The following FSTL5 variants were observed in gnomAD, a reference collection of about 807,000 sequenced individuals.
The protein encoded by FSTL5 is follistatin like 5.
FSTL5 carries 62 observed loss-of-function variants against 89.1 expected under a neutral mutation model. That is an observed-to-expected ratio of 0.70 (90% CI 0.57 to 0.86). The LOEUF (loss-of-function observed/expected upper bound fraction) is 0.86. Among genes scored for constraint, FSTL5 ranks in the 40% least tolerant of loss-of-function variants. The pLI is 0.00. For missense variants in FSTL5, 1,057 were observed against 1,001.6 expected (o/e 1.06, Z -0.75); for synonymous variants, 383 against 346.2 (o/e 1.11, Z -1.18).
chr4:162,052,207 C>T (rs1738399703), intron 2 of FSTL5, among the ~76,000 whole-genome samples: 1 of 150,978 alleles, frequency 6.6e-6, no homozygotes, highest in Non-Finnish European at 1.5e-5. Flanking sequence ...TCTGAAAAAA[C>T]ACAAAATGCC....
intron 6 of FSTL5, among the ~76,000 whole-genome samples, chr4:161,712,823 G>A (rs138616319): frequency 3.5e-4 from 53 of 150,438 alleles, no homozygotes; most frequent in African/African-American, 1.3e-3. Context: ...TGCTTAAAAG[G>A]GCTTGACCCC....
At position 161,800,756 on chromosome 4, in the gene FSTL5, T is replaced by C. The variant is rs533350242; in HGVS notation, c.410-24682A>G. 4.6e-5 allele frequency among the ~76,000 whole-genome samples: 7 copies of C among 151,718 alleles called. No homozygotes were observed. In the South Asian group the frequency reaches 1.4e-3, roughly 31 times the overall value. ...CCATGAAACTTGTTACCTTAAAAAA[T>C]GTGAACTAAAAACTGTGTAAGTAGT... On this transcript the variant is annotated intron_variant, in intron 4 of 15. Transcript: ENST00000306100.
chr4:161,688,450 G>T (rs191220389), intron 6 of FSTL5, among the ~76,000 whole-genome samples: 2 of 152,096 alleles, frequency 1.3e-5, no homozygotes, highest in Non-Finnish European at 2.9e-5. Flanking sequence ...TTCTCTAAAG[G>T]CTTGGCATTA....
chr4:161,621,043 A>T (rs1387057144), intron 7 of FSTL5, among the ~76,000 whole-genome samples: 2 of 152,168 alleles, frequency 1.3e-5, no homozygotes, highest in Non-Finnish European at 2.9e-5. Context: ...ACTCTTAACC[A>T]GTTTGACCAG....
chr4:161,386,754 A>C, intron 15 of FSTL5: 1 of 306,972 alleles, frequency 3.3e-6, no homozygotes, highest in Non-Finnish European at 6.1e-6. Flanking sequence ...GAAGAAGTAT[A>C]CATTATTCTG....
chr4:161,514,395 T>C (rs998694701), intron 10 of FSTL5, among the ~76,000 whole-genome samples: 2 of 152,050 alleles, frequency 1.3e-5, no homozygotes, highest in African/African-American at 4.8e-5. Flanking sequence ...TTGAACGTTC[T>C]CACTTACAAG....
At chr4:161,875,991 C>A (rs2126905150) in intron 4 of FSTL5, among the ~76,000 whole-genome samples, 1 of 152,202 alleles carries the variant, frequency 6.6e-6, no homozygotes, top group Admixed American at 6.5e-5. Flanking sequence ...TCTTTCTAAA[C>A]CTTAGAAATT....
intron 6 of FSTL5, among the ~76,000 whole-genome samples, chr4:161,665,174 A>T (rs1378555588): frequency 6.6e-6 from 1 of 152,212 alleles, no homozygotes; most frequent in South Asian, 2.1e-4. Flanking sequence ...GCCTGAACCT[A>T]AAGTAAAAGT....
chr4:161,948,694 C>T (rs112529686), intron 3 of FSTL5, among the ~76,000 whole-genome samples: 215 of 151,904 alleles, frequency 1.4e-3, no homozygotes, highest in African/African-American at 4.6e-3. Flanking sequence ...GTGATCCGCC[C>T]GCCTTGGCCT....
intron 1 of FSTL5, among the ~76,000 whole-genome samples, chr4:162,155,766 A>G (rs1733444694): frequency 6.6e-6 from 1 of 152,188 alleles, no homozygotes; most frequent in African/African-American, 2.4e-5. Flanking sequence ...GTTTATACAG[A>G]GGTAAGGAAC....
chr4:161,544,985 TACA>T (rs1265273001), intron 8 of FSTL5, among the ~76,000 whole-genome samples: 11 of 152,124 alleles, frequency 7.2e-5, no homozygotes, highest in Admixed American at 6.6e-4. Flanking sequence ...ATGTCGTAAA[TACA>T]ACATTAGGCA....
chr4:161,776,148 G>A (rs1741405270), intron 4 of FSTL5, 74 bp from the exon 5 acceptor site: 1 of 759,132 alleles, frequency 1.3e-6, no homozygotes, highest in Admixed American at 3.9e-5. Context: ...AGGTTTAGAA[G>A]TTATTTTATG....
At chr4:161,472,989 C>T (rs1236278277) in intron 13 of FSTL5, among the ~76,000 whole-genome samples, 3 of 152,162 alleles carry the variant, frequency 2.0e-5, no homozygotes, top group Admixed American at 6.5e-5. Flanking sequence ...TCCCAAAGTG[C>T]TGGGATTATA....
chr4:162,042,376 A>G (rs940578168), intron 2 of FSTL5, among the ~76,000 whole-genome samples: 2 of 152,138 alleles, frequency 1.3e-5, no homozygotes, highest in African/African-American at 2.4e-5. Flanking sequence ...ATGCAGTGTC[A>G]AATAGAGTCT....
chr4:162,155,229 GC>G (rs1579070326), intron 1 of FSTL5, among the ~76,000 whole-genome samples: 1 of 152,168 alleles, frequency 6.6e-6, no homozygotes, highest in East Asian at 1.9e-4. Context: ...ACCCTAGCTG[GC>G]CCTGACTGGA....
At chr4:161,396,043 A>G (rs760687895) in intron 15 of FSTL5, among the ~76,000 whole-genome samples, 9 of 152,028 alleles carry the variant, frequency 5.9e-5, no homozygotes, top group Admixed American at 5.9e-4. Flanking sequence ...GAGGAAGCAG[A>G]GACTTGACCA....
At chr4:161,472,580 T>C (rs1174887281) in intron 13 of FSTL5, among the ~76,000 whole-genome samples, 1 of 152,130 alleles carries the variant, frequency 6.6e-6, no homozygotes, top group African/African-American at 2.4e-5. Context: ...TGCCTCTAAG[T>C]ATTTTCTAAT....
chr4:162,154,843 G>T (rs894141251), intron 1 of FSTL5, among the ~76,000 whole-genome samples: 1 of 151,894 alleles, frequency 6.6e-6, no homozygotes, highest in African/African-American at 2.4e-5. Context: ...AAGTTTCTAG[G>T]CTTCTTCCTA....
At chr4:161,741,694 T>TA (rs1277601708) in intron 6 of FSTL5, among the ~76,000 whole-genome samples, 3 of 100,598 alleles carry the variant, frequency 3.0e-5, no homozygotes, top group Non-Finnish European at 7.9e-5. Flanking sequence ...TTTTTTTTTT[T>TA]TTTTTTTTTT....
Sources: allele counts gnomAD v4.1 joint callset (sites outside exome capture counted in the v4.1 genomes callset), GRCh38; gene constraint gnomAD v4.1.1; transcripts MANE v1.5; gene names NCBI Gene and HGNC (gene_info 2026-07-23, HGNC 2026-07-21).